DLGAP2: variants seen among roughly 807,000 people sequenced by gnomAD.
DLGAP2 encodes disks large-associated protein 2.
A neutral mutation model predicts 100.3 loss-of-function variants in DLGAP2; 26 were observed. The observed-to-expected ratio is 0.26, with a 90% CI of 0.19 to 0.36. The LOEUF (loss-of-function observed/expected upper bound fraction) is 0.36, where lower values mean the gene tolerates loss of function less well. Among genes scored for constraint, DLGAP2 ranks in the 10% least tolerant of loss-of-function variants. DLGAP2 has a pLI of 1.00. For synonymous variants in DLGAP2, 886 were observed against 630.1 expected, an observed-to-expected ratio of 1.41 and a Z score of -6.08; for missense variants, 1,858 against 1,453.2, an observed-to-expected ratio of 1.28 and a Z score of -4.53.
rs1178906686 is a variant in DLGAP2 at position 1,683,987 on chromosome 8, T to TATAC, written c.2704+5359_2704+5360insTACA. On this transcript the variant is annotated intron_variant, in intron 12 of 14. Transcript: ENST00000637795. ...ATATATATATATATATATATATATATACTTTTTTTTTTAAGACGAAGTCTC... is the reference window on the plus strand; with the variant it reads ...ATATATATATATATATATATATATATATACACTTTTTTTTTTAAGACGAAGTCTC... 2.3e-4 allele frequency among the ~76,000 whole-genome samples: 23 copies of TATAC among 99,668 alleles called. 1 individual carries two copies. Among genetic ancestry groups the TATAC allele is most frequent in the African/African-American group, 8.5e-4 (23 of 27,052 alleles). 65.4% of individuals were successfully genotyped at this position (99,668 alleles called of 152,430 possible).
chr8:1,194,371 C>T (rs1427880255), intron 2 of DLGAP2, among the ~76,000 whole-genome samples: 2 of 152,174 alleles, frequency 1.3e-5, no homozygotes, highest in Non-Finnish European at 2.9e-5. Flanking sequence ...GGTCGGTTGG[C>T]GGCCGGCCCA....
chr8:916,674 A>G (rs1327653475), intron 2 of DLGAP2, among the ~76,000 whole-genome samples: 1 of 152,216 alleles, frequency 6.6e-6, no homozygotes, highest in African/African-American at 2.4e-5. Context: ...ATTAAAGAAA[A>G]TAAATTTAAA....
chr8:1,056,721 G>A (rs1329811428), intron 2 of DLGAP2, among the ~76,000 whole-genome samples: 1 of 152,220 alleles, frequency 6.6e-6, no homozygotes, highest in Admixed American at 6.5e-5. Flanking sequence ...TTTGAATTCT[G>A]ACCCTGCCAG....
chr8:997,134 AT>A (rs1405181678), intron 2 of DLGAP2, among the ~76,000 whole-genome samples: 2 of 152,222 alleles, frequency 1.3e-5, no homozygotes, highest in East Asian at 3.9e-4. Flanking sequence ...ATAGAATAGC[AT>A]GATCCTAATT....
chr8:975,861 G>C (rs1484491632), intron 2 of DLGAP2, among the ~76,000 whole-genome samples: 1 of 152,180 alleles, frequency 6.6e-6, no homozygotes, highest in African/African-American at 2.4e-5. Context: ...CAAATGCAAT[G>C]AGACAGGAAA....
intron 2 of DLGAP2, among the ~76,000 whole-genome samples, chr8:1,228,525 C>G (rs535207843): frequency 1.3e-5 from 2 of 152,278 alleles, no homozygotes; most frequent in South Asian, 2.1e-4. Flanking sequence ...ACCAGTGCCT[C>G]TTATGAATAT....
rs111996314 is a variant in DLGAP2 at position 1,617,307 on chromosome 8, C to T, written c.1443-9433C>T. ...AGTTCTTTGAGGATTTGCCACTCTG[C>T]TTTCCCCAATGGTTGAACTAATTTA... On this transcript the variant is annotated intron_variant, in intron 6 of 14. Transcript: ENST00000637795. Among the ~76,000 whole-genome samples, 232 of 152,294 alleles carry T rather than the reference C, an allele frequency of 1.5e-3. 1 individual carries two copies. Among genetic ancestry groups the T allele is most frequent in the African/African-American group, 5.2e-3 (216 of 41,564 alleles).
At chr8:1,164,738 A>C (rs1796981432) in intron 2 of DLGAP2, among the ~76,000 whole-genome samples, 3 of 152,074 alleles carry the variant, frequency 2.0e-5, no homozygotes, top group Non-Finnish European at 4.4e-5. Flanking sequence ...CCAGGCCCGA[A>C]ACAAATGTCT....
intron 3 of DLGAP2, among the ~76,000 whole-genome samples, chr8:1,478,081 C>A (rs1025476940): frequency 6.6e-6 from 1 of 152,226 alleles, no homozygotes. Context: ...TTTCTTTTCC[C>A]CATTTGCCGT....
chr8:774,409 A>G (rs1467493818), intron 1 of DLGAP2, among the ~76,000 whole-genome samples: 1 of 152,240 alleles, frequency 6.6e-6, no homozygotes, highest in African/African-American at 2.4e-5. Context: ...CGTTTTAGAC[A>G]TGAAGTCCTT....
intron 2 of DLGAP2, among the ~76,000 whole-genome samples, chr8:1,201,443 G>A (rs1311127477): frequency 6.6e-6 from 1 of 152,186 alleles, no homozygotes; most frequent in African/African-American, 2.4e-5. Context: ...ACGCCGAGAG[G>A]ACCTGGAAGG....
chr8:1,298,544 T>C (rs769064716), intron 3 of DLGAP2, among the ~76,000 whole-genome samples: 5 of 151,578 alleles, frequency 3.3e-5, no homozygotes, highest in Non-Finnish European at 5.9e-5. Context: ...TGCAGAAGAG[T>C]GGCAGTCGCT....
chr8:1,330,442 G>A (rs991877502), intron 3 of DLGAP2, among the ~76,000 whole-genome samples: 1 of 146,422 alleles, frequency 6.8e-6, no homozygotes, highest in Non-Finnish European at 1.5e-5. Flanking sequence ...TGAGTTCTGG[G>A]TGGGACTGAG....
At chr8:1,523,327 G>A (rs141981878) in intron 4 of DLGAP2, among the ~76,000 whole-genome samples, 7 of 152,368 alleles carry the variant, frequency 4.6e-5, no homozygotes, top group Non-Finnish European at 7.3e-5. Flanking sequence ...AGAGAACAGC[G>A]TCACGGGGTC....
intron 2 of DLGAP2, among the ~76,000 whole-genome samples, chr8:908,245 C>T (rs180848515): frequency 7.4e-4 from 113 of 152,238 alleles, no homozygotes; most frequent in African/African-American, 2.6e-3. Context: ...AACTGGTTGT[C>T]TTATAAACTT....
intron 2 of DLGAP2, among the ~76,000 whole-genome samples, chr8:1,115,981 G>C (rs927946111): frequency 6.6e-6 from 1 of 152,186 alleles, no homozygotes; most frequent in Non-Finnish European, 1.5e-5. Flanking sequence ...TCAGTGCCCA[G>C]GAAACGATCC....
intron 1 of DLGAP2, among the ~76,000 whole-genome samples, chr8:798,824 G>T (rs548978323): frequency 7.4e-5 from 11 of 148,704 alleles, no homozygotes; most frequent in African/African-American, 2.0e-4. Flanking sequence ...GCCTGCTTCC[G>T]TTGGCGCTGA....
intron 2 of DLGAP2, among the ~76,000 whole-genome samples, chr8:1,231,528 G>A (rs937771787): frequency 2.6e-5 from 4 of 152,176 alleles, no homozygotes; most frequent in Non-Finnish European, 5.9e-5. Flanking sequence ...AAAGACACAT[G>A]CACTCACCTA....
intron 2 of DLGAP2, among the ~76,000 whole-genome samples, chr8:1,254,980 T>TGCTGTGTCTGTGCTCTCTCCTGCCCGGGC (rs1799147476): frequency 8.7e-5 from 9 of 103,686 alleles, no homozygotes; most frequent in African/African-American, 3.0e-4. Flanking sequence ...CCTGTCCGGG[T>TGCTGTGTCTGTGCTCTCTCCTGCCCGGGC]GCTGTGTGTG....
Sources: gnomAD v4.1 joint callset for allele counts (sites outside exome capture counted in the v4.1 genomes callset) on GRCh38, gnomAD v4.1.1 for gene constraint, MANE v1.5 for transcripts, NCBI Gene and HGNC (gene_info 2026-07-23, HGNC 2026-07-21) for gene names.